SV2C: variants seen among roughly 807,000 people sequenced by gnomAD.
SV2C encodes the protein synaptic vesicle glycoprotein 2C.
Under a neutral mutation model 79.7 loss-of-function variants are expected in SV2C, and 49 were observed. The observed-to-expected ratio is 0.61, with a 90% confidence interval of 0.49 to 0.78. SV2C has a LOEUF of 0.78. Among genes scored for constraint, SV2C ranks in the 30% least tolerant of loss-of-function variants. The pLI, the probability that SV2C is intolerant of heterozygous loss-of-function variation, is 0.00. For synonymous variants in SV2C, 334 were observed against 333.2 expected, an observed-to-expected ratio of 1.00 and a Z score of -0.03; for missense variants, 833 against 912.9, an observed-to-expected ratio of 0.91 and a Z score of 1.13.
the SV2C span, among the ~76,000 whole-genome samples, chr5:75,961,381 A>G: frequency 0.26 from 38,981 of 151,764 alleles, 6,175 homozygotes; most frequent in Non-Finnish European, 0.37. Flanking sequence ...TGTTGTTGTA[A>G]TCAATATTTT....
intron 4 of SV2C, among the ~76,000 whole-genome samples, chr5:76,254,863 A>T (rs373641676): frequency 6.6e-6 from 1 of 152,208 alleles, no homozygotes; most frequent in African/African-American, 2.4e-5. Flanking sequence ...GGGTAGAAGA[A>T]AATGATCAAA....
chr5:75,883,573 A>G, the SV2C span, among the ~76,000 whole-genome samples: 2 of 147,546 alleles, frequency 1.4e-5, no homozygotes, highest in East Asian at 3.9e-4. Context: ...CATTCTCAGT[A>G]AACTATCGCA....
At chr5:75,858,798 G>T in the SV2C span, among the ~76,000 whole-genome samples, 2 of 152,062 alleles carry the variant, frequency 1.3e-5, no homozygotes, top group Non-Finnish European at 2.9e-5. Flanking sequence ...GGTCTTTCAG[G>T]TTTTGGATTT....
chr5:75,972,887 T>C, the SV2C span, among the ~76,000 whole-genome samples: 2 of 152,080 alleles, frequency 1.3e-5, no homozygotes, highest in Admixed American at 6.5e-5. Context: ...TGTATGTTTA[T>C]TGAGGCCCTA....
chr5:76,301,715 C>T (rs1255006861), intron 12 of SV2C, among the ~76,000 whole-genome samples, 170 bp downstream of exon 12: 1 of 151,956 alleles, frequency 6.6e-6, no homozygotes, highest in Non-Finnish European at 1.5e-5. Flanking sequence ...TCGAGACCAG[C>T]CTGGCCAATA....
At chr5:75,990,343 A>G in the SV2C span, among the ~76,000 whole-genome samples, 1 of 152,120 alleles carries the variant, frequency 6.6e-6, no homozygotes, top group South Asian at 2.1e-4. Flanking sequence ...GAAGGGGTCC[A>G]GTTTCAATCT....
chr5:76,293,648 AC>A (rs1747635152), intron 8 of SV2C, among the ~76,000 whole-genome samples: 1 of 151,570 alleles, frequency 6.6e-6, no homozygotes, highest in African/African-American at 2.4e-5. Context: ...CTCAATAACT[AC>A]CCTCACACCC....
the SV2C span, among the ~76,000 whole-genome samples, chr5:76,072,123 G>T: frequency 1.3e-5 from 2 of 152,082 alleles, no homozygotes; most frequent in African/African-American, 2.4e-5. Flanking sequence ...AAAAACTATA[G>T]ATATGCAGGT....
chr5:75,995,889 T>C, the SV2C span, among the ~76,000 whole-genome samples: 5 of 152,138 alleles, frequency 3.3e-5, no homozygotes, highest in African/African-American at 1.2e-4. Context: ...TAAAATCATC[T>C]ATAACTTGAG....
the SV2C span, among the ~76,000 whole-genome samples, chr5:75,969,466 G>A: frequency 6.6e-6 from 1 of 152,074 alleles, no homozygotes; most frequent in Non-Finnish European, 1.5e-5. Context: ...TCAAAATAAA[G>A]GGATGGAGGA....
chr5:76,085,320 T>C (rs1747148870), intron 1 of SV2C, among the ~76,000 whole-genome samples: 1 of 152,172 alleles, frequency 6.6e-6, no homozygotes. Context: ...CAAAACAATA[T>C]GCCGCATTCC....
Position 76,329,866 on chromosome 5 carries a change from G to A in SV2C, c.*4319G>A, listed in dbSNP as rs1749121924. 1 of 152,266 alleles carries A rather than the reference G, an allele frequency of 6.6e-6. No individual in the cohort carries two copies. The allele number at this position is 152,266 out of a possible 1,614,324, so 9.4% of individuals were successfully genotyped here. ...AAGACAACTGGGATATTGGTGTTAAGGGGCATATCGGCTGTATGTTAGGTT... is the reference window on the plus strand; with the variant it reads ...AAGACAACTGGGATATTGGTGTTAAAGGGCATATCGGCTGTATGTTAGGTT... On this transcript the variant is annotated 3_prime_UTR_variant, in exon 13 of 13. Transcript: ENST00000502798.
chr5:76,009,055 T>C, the SV2C span, among the ~76,000 whole-genome samples: 1 of 152,270 alleles, frequency 6.6e-6, no homozygotes, highest in Non-Finnish European at 1.5e-5. Context: ...AGGCCCACCA[T>C]GTCCATTCTA....
intron 12 of SV2C, among the ~76,000 whole-genome samples, chr5:76,308,329 G>C (rs1279301040): frequency 6.6e-6 from 1 of 152,164 alleles, no homozygotes; most frequent in Non-Finnish European, 1.5e-5. Flanking sequence ...GATACCATGG[G>C]AGGGAGGGAA....
rs540813952 is a variant in SV2C at position 76,199,572 on chromosome 5, C to T, written c.761+4473C>T. On this transcript the variant is annotated intron_variant, in intron 3 of 12. Transcript: ENST00000502798. ...CTTATGTTCTTCTTTCTCTCCTCCA[C>T]CAGCATGTAAATTCCAAAGGGCTGG... Among the ~76,000 whole-genome samples, 4 of 152,364 alleles carry T rather than the reference C, an allele frequency of 2.6e-5. No homozygotes were observed. The South Asian group carries it at 8.3e-4, about 32-fold the overall frequency.
chr5:76,029,091 T>A, the SV2C span, among the ~76,000 whole-genome samples: 1 of 152,186 alleles, frequency 6.6e-6, no homozygotes, highest in African/African-American at 2.4e-5. Flanking sequence ...GTTCTCAAAC[T>A]TCATGATTTT....
the SV2C span, among the ~76,000 whole-genome samples, chr5:76,005,315 C>A: frequency 8.5e-5 from 13 of 152,278 alleles, no homozygotes; most frequent in African/African-American, 2.6e-4. Context: ...GTTTGAAAGA[C>A]CAAAGCCTTA....
the SV2C span, among the ~76,000 whole-genome samples, chr5:75,964,824 G>A: frequency 1.0e-3 from 152 of 152,140 alleles, 1 homozygote; most frequent in African/African-American, 2.0e-3. Flanking sequence ...CTTGGGGTAC[G>A]GAAGGATATT....
the SV2C span, among the ~76,000 whole-genome samples, chr5:75,917,338 A>G: frequency 6.6e-6 from 1 of 152,258 alleles, no homozygotes; most frequent in Non-Finnish European, 1.5e-5. Flanking sequence ...CTCTGCCTGT[A>G]TATAACTTCT....
Sources: allele counts gnomAD v4.1 joint callset (sites outside exome capture counted in the v4.1 genomes callset), GRCh38; gene constraint gnomAD v4.1.1; transcripts MANE v1.5; gene names NCBI Gene and HGNC (gene_info 2026-07-23, HGNC 2026-07-21).